The following ROBO2 variants were observed in gnomAD, a reference collection of about 807,000 sequenced individuals.
The protein encoded by ROBO2 is roundabout homolog 2.
Under a neutral mutation model 160.8 loss-of-function variants are expected in ROBO2, and 53 were observed. The observed-to-expected ratio is 0.33, with a 90% CI of 0.26 to 0.41. The LOEUF is 0.41. Ranked by LOEUF, ROBO2 falls within the 10% of genes least tolerant of loss-of-function variation. The pLI, the probability that ROBO2 is intolerant of heterozygous loss-of-function variation, is 1.00. For synonymous variants in ROBO2, 664 were observed against 611.7 expected (o/e 1.09, Z -1.26); for missense variants, 1,577 against 1,722.4 (o/e 0.92, Z 1.49).
At chr3:75,949,325 C>T (rs552916278) in intron 2 of ROBO2, among the ~76,000 whole-genome samples, 72 of 151,918 alleles carry the variant, frequency 4.7e-4, no homozygotes, top group African/African-American at 1.6e-3. Flanking sequence ...TTCTTGTTTT[C>T]TAATAATTAC....
At chr3:77,352,199 C>A (rs1429097209) in intron 2 of ROBO2, among the ~76,000 whole-genome samples, 1 of 147,574 alleles carries the variant, frequency 6.8e-6, no homozygotes, top group African/African-American at 2.5e-5. Context: ...TACAGAAACA[C>A]ATAATGAATG....
intron 2 of ROBO2, among the ~76,000 whole-genome samples, chr3:76,685,439 G>A (rs1251497460): frequency 6.6e-6 from 1 of 152,022 alleles, no homozygotes; most frequent in Non-Finnish European, 1.5e-5. Flanking sequence ...ATTTCTTTCT[G>A]ATAAAATAGT....
At chr3:76,146,151 A>C (rs1369361046) in intron 2 of ROBO2, among the ~76,000 whole-genome samples, 1 of 152,024 alleles carries the variant, frequency 6.6e-6, no homozygotes, top group Admixed American at 6.6e-5. Context: ...CACTAGATCT[A>C]TGTAAACCCC....
At chr3:76,299,173 C>T (rs139735237) in intron 2 of ROBO2, among the ~76,000 whole-genome samples, 5,112 of 152,150 alleles carry the variant, frequency 0.034, 123 homozygotes, top group East Asian at 0.12. Flanking sequence ...AATAAGAAAG[C>T]AAAGTATATA....
intron 2 of ROBO2, among the ~76,000 whole-genome samples, chr3:76,657,610 A>ATG (rs1198603547): frequency 1.1e-5 from 1 of 90,654 alleles, no homozygotes; most frequent in Non-Finnish European, 2.2e-5. Context: ...GTATATATAT[A>ATG]TTCATATATA....
chr3:76,343,417 G>A (rs757734969), intron 2 of ROBO2, among the ~76,000 whole-genome samples: 2 of 151,994 alleles, frequency 1.3e-5, no homozygotes, highest in African/African-American at 2.4e-5. Context: ...ACACACAGGT[G>A]TCTATCTGCA....
intron 4 of ROBO2, among the ~76,000 whole-genome samples, chr3:77,482,196 A>G (rs1033391456): frequency 3.3e-4 from 50 of 152,296 alleles, no homozygotes; most frequent in African/African-American, 1.2e-3. Flanking sequence ...CAAAAATATC[A>G]TTGTGATTTT....
In ROBO2 at chr3:76,608,807, T is replaced by C. The variant is rs193285048; in HGVS notation, c.110-489207T>C. Reference sequence around the variant, plus strand: ...TGGATATCCAGTTTTTCCAGCACCTTGTATTTTTTAAATTTTCATAGTATT... The same window carrying C: ...TGGATATCCAGTTTTTCCAGCACCTCGTATTTTTTAAATTTTCATAGTATT... On this transcript the variant is annotated intron_variant, in intron 2 of 26. Coordinates refer to the ROBO2 transcript ENST00000487694. 2.3e-3 allele frequency among the ~76,000 whole-genome samples: 348 copies of C among 152,268 alleles called. 6 individuals are homozygous for C. The highest frequency in any genetic ancestry group is 0.02 in the Admixed American group (310 of 15,298).
intron 2 of ROBO2, among the ~76,000 whole-genome samples, chr3:75,965,680 A>G (rs1048647299): frequency 2.4e-5 from 2 of 84,584 alleles, no homozygotes; most frequent in African/African-American, 7.1e-5. Context: ...TTTGTATATG[A>G]GATGCAGATG....
intron 2 of ROBO2, among the ~76,000 whole-genome samples, chr3:76,885,571 G>A (rs2073796734): frequency 6.6e-6 from 1 of 152,050 alleles, no homozygotes; most frequent in South Asian, 2.1e-4. Flanking sequence ...AAATACCAAT[G>A]TTCACACACG....
chr3:76,234,440 C>A (rs887679319), intron 2 of ROBO2, among the ~76,000 whole-genome samples: 4 of 152,090 alleles, frequency 2.6e-5, no homozygotes, highest in African/African-American at 9.7e-5. Flanking sequence ...CAGTTTTTGC[C>A]ATTACTTTTA....
At chr3:77,043,971 A>G (rs1193064401) in intron 1 of ROBO2, among the ~76,000 whole-genome samples, 1 of 152,170 alleles carries the variant, frequency 6.6e-6, no homozygotes, top group Non-Finnish European at 1.5e-5. Flanking sequence ...GCTCTTTTTC[A>G]GTAATGGGCT....
chr3:77,158,226 G>A (rs1187921075), intron 2 of ROBO2, among the ~76,000 whole-genome samples: 1 of 152,136 alleles, frequency 6.6e-6, no homozygotes, highest in African/African-American at 2.4e-5. Flanking sequence ...ACATTGGGTA[G>A]AACTCATTGA....
chr3:76,657,538 G>C (rs2109997129), intron 2 of ROBO2, among the ~76,000 whole-genome samples: 1 of 150,192 alleles, frequency 6.7e-6, no homozygotes, highest in Non-Finnish European at 1.5e-5. Flanking sequence ...TCGAGCCCAG[G>C]AGTTCCAGAC....
chr3:76,746,362 C>A (rs959404052), intron 2 of ROBO2, among the ~76,000 whole-genome samples: 3 of 151,952 alleles, frequency 2.0e-5, no homozygotes, highest in African/African-American at 7.3e-5. Context: ...AATGGGATGG[C>A]TGGGTCAAAT....
chr3:76,698,131 G>GAATTGGATGTAGAATGCCT (rs1181805899), intron 2 of ROBO2, among the ~76,000 whole-genome samples: 34 of 152,174 alleles, frequency 2.2e-4, no homozygotes, highest in Middle Eastern at 3.4e-3. Flanking sequence ...TCACTGGTTA[G>GAATTGGATGTAGAATGCCT]GCTTTTTCCA....
At chr3:76,587,506 G>A (rs2086123248) in intron 2 of ROBO2, among the ~76,000 whole-genome samples, 1 of 152,110 alleles carries the variant, frequency 6.6e-6, no homozygotes, top group Non-Finnish European at 1.5e-5. Flanking sequence ...GGAGAAGAAT[G>A]AGTGCCCAGT....
chr3:76,823,457 A>C (rs1051449179), intron 2 of ROBO2, among the ~76,000 whole-genome samples: 1 of 152,194 alleles, frequency 6.6e-6, no homozygotes, highest in Non-Finnish European at 1.5e-5. Flanking sequence ...TAAAATTATA[A>C]AACAAATGCA....
chr3:77,102,245 C>T (rs1049244523), intron 2 of ROBO2, among the ~76,000 whole-genome samples: 97 of 152,164 alleles, frequency 6.4e-4, no homozygotes, highest in Non-Finnish European at 3.5e-4. Flanking sequence ...CAGGGTACCT[C>T]AACCTCTGCA....
Sources: allele counts gnomAD v4.1 joint callset (sites outside exome capture counted in the v4.1 genomes callset), GRCh38; gene constraint gnomAD v4.1.1; transcripts MANE v1.5; gene names NCBI Gene and HGNC (gene_info 2026-07-23, HGNC 2026-07-21).